The following ITSN2 variants were observed in gnomAD, a reference collection of about 807,000 sequenced individuals.
ITSN2 encodes intersectin-2.
In ITSN2, 156 loss-of-function variants were observed where a neutral mutation model predicts 243.7. The ratio of observed to expected loss-of-function variants is 0.64; its 90% CI spans 0.56 to 0.73. The LOEUF (loss-of-function observed/expected upper bound fraction) is 0.73. Among genes scored for constraint, ITSN2 ranks in the 30% least tolerant of loss-of-function variants. The probability of loss-of-function intolerance (pLI) is 0.00; values close to 1 mark genes in which losing one functional copy is unlikely to be tolerated. For missense variants in ITSN2, 1,801 were observed against 1,996.1 expected, an observed-to-expected ratio of 0.90 and a Z score of 1.86; for synonymous variants, 703 against 699.9, an observed-to-expected ratio of 1.00 and a Z score of -0.07.
chr2:24,241,051 T>G (rs1048225353), intron 29 of ITSN2: 4 of 152,182 alleles, frequency 2.6e-5, no homozygotes, highest in Non-Finnish European at 4.4e-5. Context: ...AGAAGCTCCA[T>G]GAACACAGAG....
intron 2 of ITSN2, among the ~76,000 whole-genome samples, chr2:24,327,090 A>G (rs1685232497): frequency 6.6e-6 from 1 of 152,000 alleles, no homozygotes; most frequent in South Asian, 2.1e-4. Context: ...ACAATTTAAC[A>G]TAAAATTAAG....
intron 29 of ITSN2, among the ~76,000 whole-genome samples, chr2:24,237,646 G>A (rs1386995806): frequency 6.6e-6 from 1 of 152,030 alleles, no homozygotes; most frequent in African/African-American, 2.4e-5. Flanking sequence ...ATCCCATCCT[G>A]TCCCTCAAGA....
intron 1 of ITSN2, among the ~76,000 whole-genome samples, chr2:24,348,488 C>T (rs1558666503): frequency 6.6e-6 from 1 of 152,152 alleles, no homozygotes; most frequent in Non-Finnish European, 1.5e-5. Context: ...CAGCACCCGG[C>T]AGCCCTTGTC....
intron 29 of ITSN2, among the ~76,000 whole-genome samples, chr2:24,236,876 T>A (rs1311262408): frequency 1.3e-5 from 2 of 151,688 alleles, no homozygotes; most frequent in African/African-American, 4.8e-5. Flanking sequence ...TTATTTTTTT[T>A]TGTAGAGACA....
chr2:24,294,254 C>T (rs927636719), intron 14 of ITSN2, among the ~76,000 whole-genome samples: 5 of 152,098 alleles, frequency 3.3e-5, no homozygotes, highest in African/African-American at 9.7e-5. Flanking sequence ...GGTGAAACCC[C>T]GTCTCCACGA....
intron 1 of ITSN2, among the ~76,000 whole-genome samples, chr2:24,335,926 C>A (rs1278450226): frequency 6.6e-6 from 1 of 151,852 alleles, no homozygotes; most frequent in East Asian, 2.0e-4. Context: ...GCAACCACGC[C>A]CAGCCCAGTG....
intron 4 of ITSN2, 84 bp from the exon 5 acceptor site, chr2:24,312,459 AATG>A: frequency 1.0e-6 from 1 of 985,312 alleles, no homozygotes; most frequent in South Asian, 2.2e-5. Context: ...ACAAAGTAAA[AATG>A]ATGATATGGC....
intron 15 of ITSN2, among the ~76,000 whole-genome samples, chr2:24,290,013 T>C (rs1189901587): frequency 6.6e-6 from 1 of 152,146 alleles, no homozygotes; most frequent in Non-Finnish European, 1.5e-5. Flanking sequence ...TTTTTGAGAG[T>C]TTTTATCATG....
chr2:24,278,646 T>A (rs927127247), intron 17 of ITSN2, among the ~76,000 whole-genome samples: 1 of 96,580 alleles, frequency 1.0e-5, no homozygotes, highest in Non-Finnish European at 1.9e-5. Context: ...GTTCTCAATC[T>A]TTTTTTTTTT....
chr2:24,288,858 T>A (rs1679882567), intron 15 of ITSN2, among the ~76,000 whole-genome samples: 1 of 152,186 alleles, frequency 6.6e-6, no homozygotes, highest in Non-Finnish European at 1.5e-5. Context: ...GCCACCATTT[T>A]ATTCTCTACT....
intron 29 of ITSN2, among the ~76,000 whole-genome samples, chr2:24,233,459 C>T (rs1244999617): frequency 1.3e-5 from 2 of 152,078 alleles, no homozygotes; most frequent in African/African-American, 2.4e-5. Context: ...TCTTTACCCT[C>T]CATCTTGCAA....
chr2:24,208,155 T>TC, intron 37 of ITSN2, 82 bp downstream of exon 37: 2 of 1,180,414 alleles, frequency 1.7e-6, no homozygotes, highest in Non-Finnish European at 2.5e-6. Flanking sequence ...CGTCCCTATA[T>TC]CATCAGCCTG....
chr2:24,343,726 G>A (rs1368992021), intron 1 of ITSN2, among the ~76,000 whole-genome samples: 1 of 152,112 alleles, frequency 6.6e-6, no homozygotes, highest in Non-Finnish European at 1.5e-5. Flanking sequence ...CCAATAAGAT[G>A]CGGTTTAGAG....
chr2:24,342,424 C>G (rs1014872080), intron 1 of ITSN2, among the ~76,000 whole-genome samples: 1 of 151,236 alleles, frequency 6.6e-6, no homozygotes, highest in Non-Finnish European at 1.5e-5. Context: ...GTCTCAAACT[C>G]CTAAGCTCAA....
rs1443920231 is a variant in ITSN2, at chr2:24,208,250, C to G, written c.4665G>C (p.Glu1555Asp). Residue 1555 changes from glutamate (E) to aspartate (D), a missense_variant, in exon 37 of 40, where the codon GAG (glutamate) becomes GAC (aspartate). This residue lies in a region of ITSN2 where 928 missense variants were observed against 1,065.4 expected (regional missense o/e 0.87). Transcript: ENST00000355123. ...GCACCCTGATACCTTGGTAAGCTTTCTCACGCTTCTTCTTCTCGGTGTCGA... is the reference window on the plus strand; with the variant it reads ...GCACCCTGATACCTTGGTAAGCTTTGTCACGCTTCTTCTTCTCGGTGTCGA... ...QYIDTEKKKR[E>D]KAYQARSQKT... 2 of 1,612,466 alleles carry G rather than the reference C, an allele frequency of 1.2e-6. No individual in the cohort carries two copies. Among genetic ancestry groups the G allele is most frequent in the Admixed American group, 1.7e-5 (1 of 59,984 alleles).
At position 24,204,298 on chromosome 2, in the gene ITSN2, T is replaced by C. The variant is rs750743467; in HGVS notation, c.4883A>G (p.Tyr1628Cys). The C allele has an allele frequency of 3.8e-5, 61 of 1,614,114 alleles. No individual in the cohort carries two copies. The highest frequency in any genetic ancestry group is 1.6e-4 in the Middle Eastern group (1 of 6,062). The change falls in exon 39 of 40, where the codon TAC becomes TGC. Residue 1628 changes from tyrosine (Y) to cysteine (C), a missense_variant. Physicochemically the swap from Tyr to Cys is radical, Grantham distance 194. Transcript: ENST00000355123. This position sits in a 1 kb window ranked among gnomAD's most constrained non-coding sequence, Gnocchi z 5.1. Reference protein sequence around the residue: ...FNCQFFIKDLYQDVLCLTLFD... With the variant: ...FNCQFFIKDLCQDVLCLTLFD... ...CAGGGTGAGACACAGCACGTCTTGG[T>C]AGAGATCCTTAATAAAGAACTGGCA...
intron 18 of ITSN2, among the ~76,000 whole-genome samples, chr2:24,274,108 T>C (rs115462229): frequency 5.9e-5 from 9 of 152,326 alleles, no homozygotes; most frequent in South Asian, 4.1e-4. Flanking sequence ...CATATGTCAA[T>C]AGAAAGTTCT....
At chr2:24,205,108 C>T (rs1668731459) in intron 38 of ITSN2, 106 bp downstream of exon 38, 2 of 881,236 alleles carry the variant, frequency 2.3e-6, no homozygotes, top group East Asian at 2.6e-5. Context: ...GATCGTGCCA[C>T]TGCACTCCAG....
chr2:24,308,641 T>G lies in ITSN2; in HGVS notation c.769A>C (p.Lys257Gln). Residue 257 changes from lysine to glutamine, a missense_variant, in exon 8 of 40, where the codon AAA becomes CAA. Lys to Gln is a moderately conservative substitution (Grantham distance 53). Coordinates refer to ENST00000355123, the MANE Select transcript of ITSN2 (RefSeq NM_006277.3). ...CCTGAGAGATATCCACTCATACTTT[T>G]GTCAAGAGTATTAAATTTTTGCCGA... ...KYRQKFNTLD[K>Q]SMSGYLSGFQ... The G allele has an allele frequency of 6.6e-7, 1 of 1,520,898 alleles. No individual in the cohort carries two copies. Among genetic ancestry groups the G allele is most frequent in the Non-Finnish European group, 8.9e-7 (1 of 1,129,466 alleles). The allele number at this position is 1,520,898 out of a possible 1,614,324, so 94.2% of individuals were successfully genotyped here.
Sources: allele counts gnomAD v4.1 joint callset (sites outside exome capture counted in the v4.1 genomes callset), GRCh38; gene constraint gnomAD v4.1.1; regional missense constraint gnomAD v4.1.1; non-coding constraint Gnocchi (gnomAD v3.1); transcripts MANE v1.5; gene names NCBI Gene and HGNC (gene_info 2026-07-23, HGNC 2026-07-21).